NAALADL2: variants seen among roughly 807,000 people sequenced by gnomAD.
NAALADL2 encodes inactive N-acetylated-alpha-linked acidic dipeptidase-like protein 2.
Under a neutral mutation model 87.2 loss-of-function variants are expected in NAALADL2, and 76 were observed. The observed-to-expected ratio is 0.87, with a 90% CI of 0.72 to 1.05. The LOEUF (loss-of-function observed/expected upper bound fraction) is 1.05, where lower values mean the gene tolerates loss of function less well. NAALADL2 is among the 50% of genes least tolerant of loss of function. The probability of loss-of-function intolerance (pLI) is 0.00; values close to 1 mark genes in which losing one functional copy is unlikely to be tolerated. For synonymous variants in NAALADL2, 354 were observed against 331.0 expected, an observed-to-expected ratio of 1.07 and a Z score of -0.75; for missense variants, 1,089 against 945.8, an observed-to-expected ratio of 1.15 and a Z score of -1.99.
intron 4 of NAALADL2, among the ~76,000 whole-genome samples, chr3:175,273,957 G>A (rs1054457395): frequency 4.6e-5 from 7 of 151,384 alleles, no homozygotes; most frequent in African/African-American, 1.7e-4. Context: ...TTTTTTCAAT[G>A]TTTTAAGTAA....
intron 4 of NAALADL2, among the ~76,000 whole-genome samples, chr3:175,319,055 T>A (rs1560350022): frequency 6.6e-6 from 1 of 152,266 alleles, no homozygotes; most frequent in Admixed American, 6.5e-5. Context: ...TAGCTATTTC[T>A]GCATGTAAAC....
At chr3:174,463,739 T>C (rs1271103789) in intron 1 of NAALADL2, among the ~76,000 whole-genome samples, 2 of 151,758 alleles carry the variant, frequency 1.3e-5, no homozygotes, top group Non-Finnish European at 2.9e-5. Flanking sequence ...TAGCTGGGAC[T>C]ACAGGCGCCC....
At chr3:175,534,231 A>G (rs373664430) in intron 9 of NAALADL2, among the ~76,000 whole-genome samples, 1 of 152,056 alleles carries the variant, frequency 6.6e-6, no homozygotes, top group East Asian at 1.9e-4. Context: ...CAAAATCTGT[A>G]TTAGCGTTCT....
chr3:174,813,845 TTAAA>T (rs1720489515), intron 3 of NAALADL2, among the ~76,000 whole-genome samples: 1 of 152,080 alleles, frequency 6.6e-6, no homozygotes, highest in Non-Finnish European at 1.5e-5. Flanking sequence ...AAATGTAAAC[TTAAA>T]TAAGAAATAA....
chr3:174,765,377 T>G (rs1466139411), intron 3 of NAALADL2, among the ~76,000 whole-genome samples: 1 of 152,164 alleles, frequency 6.6e-6, no homozygotes, highest in Non-Finnish European at 1.5e-5. Context: ...AGAGAAAATG[T>G]TTAGTTTTAT....
In NAALADL2 at chr3:175,438,075, A is replaced by G. The variant is rs758400072; in HGVS notation, c.1091-9154A>G. Among the ~76,000 whole-genome samples, 157 of 152,192 alleles carry G rather than the reference A, an allele frequency of 1.0e-3. 1 individual carries two copies. The highest frequency in any genetic ancestry group is 1.7e-3 in the Non-Finnish European group (114 of 67,980). On this transcript the variant is annotated intron_variant, in intron 5 of 13. Coordinates refer to ENST00000454872, the MANE Select transcript of NAALADL2 (RefSeq NM_207015.3). ...GTGAATCATGAATTTTAGGCTTACA[A>G]TTAGACAAAACAAAACTATTCATTT...
Position 175,466,843 on chromosome 3 carries a change from A to T in NAALADL2, c.1328-136A>T, listed in dbSNP as rs1343794156. On this transcript the variant is annotated intron_variant, in intron 7 of 13. Transcript: ENST00000454872. ...GTGAATTAAGACAGTGAGCAAAAAA[A>T]TTAAAGTAGTCTTAATTATTAGAGC... is the stretch of plus-strand genomic sequence containing the variant. 9.7e-6 allele frequency: 7 copies of T among 724,022 alleles called. No homozygotes were observed. In the South Asian group the frequency reaches 1.1e-4, roughly 11 times the overall value. The allele number at this position is 724,022 out of a possible 1,614,324, so 44.8% of individuals were successfully genotyped here.
chr3:175,309,674 A>G (rs1017474003), intron 4 of NAALADL2, among the ~76,000 whole-genome samples: 3 of 152,082 alleles, frequency 2.0e-5, no homozygotes, highest in Non-Finnish European at 4.4e-5. Context: ...CACATAACCT[A>G]AATTCTCAAT....
chr3:175,692,782 A>G (rs1737222148), intron 11 of NAALADL2, among the ~76,000 whole-genome samples: 1 of 152,150 alleles, frequency 6.6e-6, no homozygotes, highest in Non-Finnish European at 1.5e-5. Flanking sequence ...AAACAAAACT[A>G]TGATGTTCCC....
chr3:175,041,814 T>A (rs1056684502), intron 1 of NAALADL2, among the ~76,000 whole-genome samples: 6 of 152,162 alleles, frequency 3.9e-5, no homozygotes. Context: ...AAGCAAAAAT[T>A]GTACATATTC....
In NAALADL2 at chr3:175,791,526, C is replaced by A. The variant is rs544414386; in HGVS notation, c.2190-11479C>A. Among the ~76,000 whole-genome samples the A allele has an allele frequency of 2.6e-5, 4 of 152,274 alleles. No individual in the cohort carries two copies. The South Asian group carries it at 8.3e-4, about 32-fold the overall frequency. On this transcript the variant is annotated intron_variant, in intron 13 of 13. Coordinates refer to ENST00000454872, the MANE Select transcript of NAALADL2 (RefSeq NM_207015.3). ...CAACATTATTCACTCTTGTTGTGGA[C>A]AAACTCTGTCAGTGGCAGAGCAGAA...
At chr3:175,703,741 T>G (rs912029344) in intron 11 of NAALADL2, among the ~76,000 whole-genome samples, 1 of 152,096 alleles carries the variant, frequency 6.6e-6, no homozygotes, top group Non-Finnish European at 1.5e-5. Context: ...AGACTCCATC[T>G]CAAAAAAATA....
intron 9 of NAALADL2, among the ~76,000 whole-genome samples, chr3:175,494,514 A>C (rs1336578941): frequency 6.6e-6 from 1 of 152,116 alleles, no homozygotes; most frequent in Non-Finnish European, 1.5e-5. Context: ...GATCACTCAT[A>C]AGCTGGAAAT....
intron 5 of NAALADL2, among the ~76,000 whole-genome samples, chr3:175,378,757 G>T (rs9290550): frequency 0.36 from 53,991 of 151,948 alleles, 9,829 homozygotes; most frequent in East Asian, 0.53. Flanking sequence ...CTCATTTCAG[G>T]ATTCAAAACA....
chr3:174,998,581 A>G (rs1747837846), intron 1 of NAALADL2, among the ~76,000 whole-genome samples: 1 of 152,180 alleles, frequency 6.6e-6, no homozygotes, highest in Admixed American at 6.5e-5. Flanking sequence ...TACATTTTAC[A>G]TTAATGTTCA....
At chr3:175,158,639 A>T (rs11921295) in intron 2 of NAALADL2, among the ~76,000 whole-genome samples, 24,119 of 152,090 alleles carry the variant, frequency 0.16, 2,353 homozygotes, top group African/African-American at 0.26. Context: ...AAAGCAAATC[A>T]CACTATTTTA....
intron 5 of NAALADL2, among the ~76,000 whole-genome samples, chr3:175,360,658 C>T (rs1251206021): frequency 6.6e-6 from 1 of 151,966 alleles, no homozygotes; most frequent in Non-Finnish European, 1.5e-5. Flanking sequence ...AATTTTCCCT[C>T]ATAATTTTCT....
intron 4 of NAALADL2, among the ~76,000 whole-genome samples, chr3:175,289,543 G>GA (rs1405771197): frequency 1.3e-5 from 2 of 151,900 alleles, no homozygotes; most frequent in Non-Finnish European, 2.9e-5. Context: ...GAAAACACGT[G>GA]AAAAAACCTT....
intron 2 of NAALADL2, among the ~76,000 whole-genome samples, chr3:174,647,633 T>G (rs1412771605): frequency 6.6e-6 from 1 of 152,208 alleles, no homozygotes; most frequent in Non-Finnish European, 1.5e-5. Context: ...CAATTTACAC[T>G]GGGTGTGGGG....
Sources: allele counts gnomAD v4.1 joint callset (sites outside exome capture counted in the v4.1 genomes callset), GRCh38; gene constraint gnomAD v4.1.1; transcripts MANE v1.5; gene names NCBI Gene and HGNC (gene_info 2026-07-23, HGNC 2026-07-21).